CDH13: variants seen among roughly 807,000 people sequenced by gnomAD.
CDH13 encodes cadherin-13.
A neutral mutation model predicts 63.8 loss-of-function variants in CDH13; 24 were observed. The observed-to-expected ratio is 0.38, with a 90% CI of 0.27 to 0.53. The LOEUF (loss-of-function observed/expected upper bound fraction) is 0.53. CDH13 is among the 20% of genes least tolerant of loss of function. The pLI is 0.85. For synonymous variants in CDH13, 503 were observed against 355.3 expected, an observed-to-expected ratio of 1.42 and a Z score of -4.67; for missense variants, 1,049 against 903.1, an observed-to-expected ratio of 1.16 and a Z score of -2.07.
At chr16:83,041,322 C>T (rs551026798) in intron 3 of CDH13, among the ~76,000 whole-genome samples, 2 of 152,060 alleles carry the variant, frequency 1.3e-5, no homozygotes, top group East Asian at 1.9e-4. Flanking sequence ...TGTTCATCAT[C>T]GTTGCAAACA....
chr16:83,032,378 G>A (rs925307082), intron 3 of CDH13, 160 bp downstream of exon 3: 6 of 609,238 alleles, frequency 9.8e-6, no homozygotes, highest in South Asian at 4.2e-5. Flanking sequence ...TAGATGAGGG[G>A]CAGCGGGAAT....
At chr16:83,495,557 G>T (rs2074116995) in intron 7 of CDH13, among the ~76,000 whole-genome samples, 1 of 152,072 alleles carries the variant, frequency 6.6e-6, no homozygotes, top group Admixed American at 6.6e-5. Context: ...AGGGGAAAAG[G>T]GATTTTCTAC....
At chr16:83,074,275 C>T (rs1478692448) in intron 3 of CDH13, among the ~76,000 whole-genome samples, 1 of 152,204 alleles carries the variant, frequency 6.6e-6, no homozygotes, top group African/African-American at 2.4e-5. Context: ...TTTCATTTGA[C>T]ATAACTATCT....
chr16:83,379,335 G>A (rs2091514750), intron 6 of CDH13, among the ~76,000 whole-genome samples: 1 of 152,146 alleles, frequency 6.6e-6, no homozygotes, highest in Non-Finnish European at 1.5e-5. Context: ...TCTACGTCCG[G>A]TGTCTTCCAT....
At chr16:83,124,822 G>C (rs933446232) in intron 3 of CDH13, among the ~76,000 whole-genome samples, 10 of 152,146 alleles carry the variant, frequency 6.6e-5, no homozygotes, top group African/African-American at 2.4e-4. Context: ...CTTTCTTGAA[G>C]ATCAGTTGGT....
At chr16:82,851,444 AT>A (rs373198541) in intron 1 of CDH13, among the ~76,000 whole-genome samples, 74,760 of 129,356 alleles carry the variant, frequency 0.58, 20,891 homozygotes, top group Non-Finnish European at 0.63. Flanking sequence ...CAAAAAAAAA[AT>A]AAAAAGAAAA....
intron 6 of CDH13, among the ~76,000 whole-genome samples, chr16:83,382,537 G>C (rs1368863707): frequency 1.3e-5 from 2 of 151,890 alleles, no homozygotes; most frequent in Non-Finnish European, 2.9e-5. Context: ...CATCATATCT[G>C]CCTCCCCAAG....
chr16:82,911,826 C>T (rs976216575), intron 2 of CDH13, among the ~76,000 whole-genome samples: 3 of 152,096 alleles, frequency 2.0e-5, no homozygotes, highest in South Asian at 4.2e-4. Flanking sequence ...CACCAAATTC[C>T]CCAAAAGCCC....
At chr16:83,403,694 G>A (rs1314186549) in intron 6 of CDH13, among the ~76,000 whole-genome samples, 1 of 152,136 alleles carries the variant, frequency 6.6e-6, no homozygotes, top group Non-Finnish European at 1.5e-5. Context: ...CCCAGTGGAA[G>A]TATAATTTCC....
In CDH13 at chr16:83,341,857, C is replaced by A. The variant is rs575625984; in HGVS notation, c.637-3005C>A. Among the ~76,000 whole-genome samples the A allele has an allele frequency of 2.0e-5, 3 of 152,246 alleles. No homozygotes were observed. The South Asian group carries it at 6.2e-4, about 32-fold the overall frequency. On this transcript the variant is annotated intron_variant, in intron 5 of 13. Transcript: ENST00000567109. Reference sequence around the variant, plus strand: ...TCAGAGTCTGCTATTGCTATTCCTGCGGTCTAGAAATCATTTTCCATGTGT... The same window carrying A: ...TCAGAGTCTGCTATTGCTATTCCTGAGGTCTAGAAATCATTTTCCATGTGT...
At chr16:83,730,823 C>G (rs1910960711) in intron 10 of CDH13, among the ~76,000 whole-genome samples, 1 of 152,164 alleles carries the variant, frequency 6.6e-6, no homozygotes, top group African/African-American at 2.4e-5. Flanking sequence ...CCATGCTCCC[C>G]CTTCTAGTAG....
At chr16:82,688,615 A>G (rs1597327426) in intron 1 of CDH13, among the ~76,000 whole-genome samples, 1 of 152,230 alleles carries the variant, frequency 6.6e-6, no homozygotes. Flanking sequence ...ATCTGATGAC[A>G]TGCTTCTTTT....
intron 5 of CDH13, among the ~76,000 whole-genome samples, chr16:83,324,642 C>T (rs940966971): frequency 6.6e-6 from 1 of 152,180 alleles, no homozygotes; most frequent in Non-Finnish European, 1.5e-5. Context: ...TTTGTTCATT[C>T]ATTCACTGAT....
intron 1 of CDH13, among the ~76,000 whole-genome samples, chr16:82,674,178 A>G (rs1913624838): frequency 6.6e-6 from 1 of 152,180 alleles, no homozygotes; most frequent in Non-Finnish European, 1.5e-5. Flanking sequence ...CCTCATTTCA[A>G]TAAATCTTCA....
At chr16:83,452,520 T>C (rs2072911830) in intron 6 of CDH13, among the ~76,000 whole-genome samples, 1 of 152,176 alleles carries the variant, frequency 6.6e-6, no homozygotes, top group African/African-American at 2.4e-5. Flanking sequence ...CCTCACTTTC[T>C]CGGTTCGTTT....
chr16:83,375,489 G>A (rs992887761), intron 6 of CDH13, among the ~76,000 whole-genome samples: 1 of 152,132 alleles, frequency 6.6e-6, no homozygotes, highest in Non-Finnish European at 1.5e-5. Context: ...GAAATATGTT[G>A]GAGGACTCTG....
chr16:83,126,459 G>C (rs2035816351), intron 4 of CDH13, among the ~76,000 whole-genome samples: 1 of 152,172 alleles, frequency 6.6e-6, no homozygotes, highest in Non-Finnish European at 1.5e-5. Context: ...GCACGGCAAA[G>C]GCGGGAAGGG....
At position 83,752,206 on chromosome 16, in the gene CDH13, G is replaced by A. The variant is rs79275545; in HGVS notation, c.1681+3956G>A. ...TCAAGAAGCATGGATGAAATATAGC[G>A]TAGCATGGCTGGCATTTCTTTGTGA... On this transcript the variant is annotated intron_variant, in intron 11 of 13. Transcript: ENST00000567109. Among the ~76,000 whole-genome samples, 1,354 of 152,326 alleles carry A rather than the reference G, an allele frequency of 8.9e-3. 11 individuals carry two copies. Among genetic ancestry groups the A allele is most frequent in the African/African-American group, 0.028 (1,162 of 41,562 alleles).
intron 1 of CDH13, among the ~76,000 whole-genome samples, chr16:82,731,650 T>G (rs1273566049): frequency 6.6e-6 from 1 of 152,238 alleles, no homozygotes. Context: ...GAACCACACT[T>G]GCTCATCAGT....
Sources: allele counts gnomAD v4.1 joint callset (sites outside exome capture counted in the v4.1 genomes callset), GRCh38; gene constraint gnomAD v4.1.1; transcripts MANE v1.5; gene names NCBI Gene and HGNC (gene_info 2026-07-23, HGNC 2026-07-21).